The following LZTR1 variants were observed in gnomAD, a reference collection of about 807,000 sequenced individuals.
The protein encoded by LZTR1 is leucine-zipper-like transcriptional regulator 1.
Under a neutral mutation model 105.7 loss-of-function variants are expected in LZTR1, and 260 were observed. That is an observed-to-expected ratio of 2.46 (90% CI 2.22 to 2.72). LZTR1 has a LOEUF of 2.72. Ranked by LOEUF, LZTR1 falls within the 30% of genes most tolerant of loss-of-function variation. The pLI is 0.00. For missense variants in LZTR1, 1,214 were observed against 1,166.9 expected, an observed-to-expected ratio of 1.04 and a Z score of -0.59; for synonymous variants, 490 against 476.4, an observed-to-expected ratio of 1.03 and a Z score of -0.37.
At chr22:20,996,403 T>G in intron 18 of LZTR1, 1 of 592,140 alleles carries the variant, frequency 1.7e-6, no homozygotes, top group Non-Finnish European at 3.0e-6. Context: ...GACATGGAGG[T>G]ACTCCTTATG....
chr22:20,985,826 C>A lies in LZTR1; in HGVS notation c.264-15C>A. The A allele has an allele frequency of 6.2e-7, 1 of 1,613,970 alleles. No homozygotes were observed. The highest frequency in any genetic ancestry group is 8.5e-7 in the Non-Finnish European group (1 of 1,179,878). On this transcript the variant is annotated splice_polypyrimidine_tract_variant and intron_variant, in intron 2 of 20. Transcript: ENST00000646124. ...GACCTGGCTAATGCCACCCTCTCTT[C>A]CGGCTGCCTTTCAGGAAGACCATGC...
intron 16 of LZTR1, 146 bp downstream of exon 16, chr22:20,995,172 G>A: frequency 1.1e-6 from 1 of 888,078 alleles, no homozygotes; most frequent in Non-Finnish European, 1.7e-6. Context: ...CTGGGTACAG[G>A]GAGGAAACAG....
intron 18 of LZTR1, 169 bp downstream of exon 18, chr22:20,996,281 G>C: frequency 5.5e-6 from 4 of 723,816 alleles, no homozygotes; most frequent in South Asian, 1.9e-5. Flanking sequence ...CTCTGAAGCA[G>C]TTGGCAGCTG....
Position 20,994,213 on chromosome 22 carries a change from C to A in LZTR1, c.1559C>A (p.Pro520His). The A allele has an allele frequency of 6.2e-7, 1 of 1,601,818 alleles. No homozygotes were observed. Among genetic ancestry groups the A allele is most frequent in the Non-Finnish European group, 8.5e-7 (1 of 1,179,336 alleles). The change falls in exon 14 of 21, where the codon CCC becomes CAC. Residue 520 changes from proline (P) to histidine (H), a missense_variant. Transcript: ENST00000646124. ...HVAIREAEAR[P>H]FEVLMQFLYT... ...GCCATCCGGGAGGCCGAGGCCCGGC[C>A]CTTCGAGGTGCTCATGCAGTTCCTC...
Position 20,997,393 on chromosome 22 carries a change from T to TGCCC in LZTR1, c.*46_*49dup. The TGCCC allele has an allele frequency of 2.2e-6, 3 of 1,387,852 alleles. No individual in the cohort carries two copies. In the South Asian group the frequency reaches 3.5e-5, roughly 16 times the overall value. The allele number at this position is 1,387,852 out of a possible 1,614,324, so 86.0% of individuals were successfully genotyped here. On this transcript the variant is annotated 3_prime_UTR_variant, in exon 21 of 21. Transcript: ENST00000646124. ...ATTGTGAAGAATCGCCGTGCCTGCC[T>TGCCC]GCCCTGCCTACTGAGAAGACTACCG...
At chr22:20,993,595 C>A in intron 11 of LZTR1, 67 bp from the exon 12 acceptor site, 1 of 1,401,806 alleles carries the variant, frequency 7.1e-7, no homozygotes, top group Non-Finnish European at 1.0e-6. Context: ...TCAGGGTCGG[C>A]CTGCACAGCC....
intron 3 of LZTR1, chr22:20,986,123 G>A: frequency 1.7e-6 from 1 of 585,620 alleles, no homozygotes; most frequent in East Asian, 2.8e-5. Context: ...GGCACACAGG[G>A]CGGCACCCTT....
Position 20,992,274 on chromosome 22 carries a change from T to C in LZTR1, c.1054T>C (p.Tyr352His). 1.9e-6 allele frequency: 3 copies of C among 1,614,000 alleles called. No individual in the cohort carries two copies. The highest frequency in any genetic ancestry group is 2.5e-6 in the Non-Finnish European group (3 of 1,179,976). ...TTCCGAGGAGGTGCCCACCCTGACC[T>C]ATGAGGAGCGGGTTGGCTTCAAGAA... The part of the protein sequence containing the change: ...CASEEVPTLT[Y>H]EERVGFKKSR... Residue 352 changes from tyrosine (Y) to histidine (H), a missense_variant, in exon 10 of 21, where the codon TAT becomes CAT. Transcript: ENST00000646124.
Position 20,992,874 on chromosome 22 carries a change from C to T in LZTR1, c.1230C>T (p.Asn410=), listed in dbSNP as rs778212001. The change falls in exon 11 of 21, where the codon AAC becomes AAT. Residue 410 remains asparagine (N), a synonymous_variant. Coordinates refer to ENST00000646124, the MANE Select transcript of LZTR1 (RefSeq NM_006767.4). ...TCTTCGGGGGCACGGTGGACAACAA[C>T]ATCCGCAGCGGGGAGATGTACAGGT... ...MYIFGGTVDN[N]IRSGEMYRFQ... The T allele has an allele frequency of 5.6e-6, 9 of 1,608,768 alleles. No homozygotes were observed. The highest frequency in any genetic ancestry group is 5.3e-5 in the African/African-American group (4 of 74,874).
chr22:20,991,286 T>A (rs547802219), intron 8 of LZTR1: 1 of 280,354 alleles, frequency 3.6e-6, no homozygotes, highest in Admixed American at 4.8e-5. Flanking sequence ...GTGAACACAG[T>A]GACCTGCAAT....
chr22:20,994,334 G>A (rs1275681255), intron 14 of LZTR1, 65 bp downstream of exon 14: 33 of 1,541,256 alleles, frequency 2.1e-5, no homozygotes, highest in Non-Finnish European at 2.7e-5. Flanking sequence ...GAGCCAAAAG[G>A]TGGGTGCTGC....
rs572279677 is a variant in LZTR1, at chr22:20,986,295, A to G, written c.320+398A>G. 23 of 166,704 alleles carry G rather than the reference A, an allele frequency of 1.4e-4. No homozygotes were observed. In the Middle Eastern group the frequency reaches 0.011, roughly 83 times the overall value. 10.3% of individuals were successfully genotyped at this position (166,704 alleles called of 1,614,324 possible). ...ATTATTTGTCAAAAATTGCTTAAGT[A>G]TAAAACTCAGAAAAAAGCTAGGAGT... On this transcript the variant is annotated intron_variant, in intron 3 of 20. Coordinates refer to ENST00000646124, the MANE Select transcript of LZTR1 (RefSeq NM_006767.4).
chr22:20,982,654 G>A (rs567884892), intron 1 of LZTR1, 83 bp downstream of exon 1: 34 of 1,381,992 alleles, frequency 2.5e-5, no homozygotes, highest in Non-Finnish European at 3.2e-5. Flanking sequence ...GAAGCCGGGG[G>A]GTGGTGTCCT....
rs1307964821 is a variant in LZTR1, at chr22:20,992,891, T to G, written c.1247T>G (p.Met416Arg). The G allele has an allele frequency of 1.2e-6, 2 of 1,602,496 alleles. No individual in the cohort carries two copies. Among genetic ancestry groups the G allele is most frequent in the African/African-American group, 1.3e-5 (1 of 74,694 alleles). ...GACAACAACATCCGCAGCGGGGAGA[T>G]GTACAGGTTCCAGGTGTGGGGCCTG... ...TVDNNIRSGEMYRFQFSCYPK... is the reference protein window; with the variant it reads ...TVDNNIRSGERYRFQFSCYPK... Residue 416 changes from methionine to arginine, a missense_variant, in exon 11 of 21, where the codon ATG becomes AGG. Met to Arg is a moderately conservative substitution (Grantham distance 91, BLOSUM62 -1). Coordinates refer to ENST00000646124, the MANE Select transcript of LZTR1 (RefSeq NM_006767.4).
rs1447482669 is a variant in LZTR1, at chr22:20,982,304, C to A, written c.-68C>A. The stretch of plus-strand genomic sequence containing the variant: ...CAGGGCTCGCCGGGAAATGTGGTTT[C>A]TCCAGCCGGCCCGGGGCGGTGGCCG... On this transcript the variant is annotated 5_prime_UTR_variant, in exon 1 of 21. Coordinates refer to ENST00000646124, the MANE Select transcript of LZTR1 (RefSeq NM_006767.4). 7.7e-7 allele frequency: 1 copy of A among 1,290,410 alleles called. No individual in the cohort carries two copies. Among genetic ancestry groups the A allele is most frequent in the Non-Finnish European group, 1.1e-6 (1 of 948,362 alleles). 79.9% of individuals were successfully genotyped at this position (1,290,410 alleles called of 1,614,324 possible). A position where few individuals can be genotyped will look rare whatever the true frequency, so the allele number is the denominator to read the frequency against.
Position 20,994,241 on chromosome 22 carries a change from C to T in LZTR1, c.1587C>T (p.Tyr529=), listed in dbSNP as rs371015800. 1 of 1,599,494 alleles carries T rather than the reference C, an allele frequency of 6.3e-7. No homozygotes were observed. The highest frequency in any genetic ancestry group is 2.2e-5 in the East Asian group (1 of 44,850). ...TCGAGGTGCTCATGCAGTTCCTCTA[C>T]ACCGACAAGATCAAATACCCACGGA... ...RPFEVLMQFL[Y]TDKIKYPRKG... The change falls in exon 14 of 21, where the codon TAC becomes TAT. Residue 529 remains tyrosine (Y), a synonymous_variant. Transcript: ENST00000646124.
At chr22:20,993,429 A>G (rs1601720595) in intron 11 of LZTR1, 1 of 582,340 alleles carries the variant, frequency 1.7e-6, no homozygotes, top group Non-Finnish European at 3.1e-6. Flanking sequence ...GAGGCAGGGG[A>G]GCCCTTTCCT....
Position 20,993,982 on chromosome 22 carries a change from G to A in LZTR1, c.1412G>A (p.Arg471His), listed in dbSNP as rs139031749. Residue 471 changes from arginine (R) to histidine (H), a missense_variant, in exon 13 of 21, where the codon CGC (arginine) becomes CAC (histidine). Arg to His is a conservative substitution (Grantham distance 29, BLOSUM62 0). Coordinates refer to ENST00000646124, the MANE Select transcript of LZTR1 (RefSeq NM_006767.4). ...AIVTARSRWL[R>H]RKITQARERL... Reference sequence around the variant, plus strand: ...GTCACAGCGCGGAGCCGCTGGCTTCGCAGGAAGATCACGCAGGCGCGGGAG... The same window carrying A: ...GTCACAGCGCGGAGCCGCTGGCTTCACAGGAAGATCACGCAGGCGCGGGAG... 3.3e-5 allele frequency: 54 copies of A among 1,612,196 alleles called. No individual in the cohort carries two copies. In the African/African-American group the frequency reaches 5.6e-4, roughly 17 times the overall value.
Position 20,994,609 on chromosome 22 carries a change from G to T in LZTR1, c.1667G>T (p.Ser556Ile). ...ATGGATGTGTACAAACTGGCACTGA[G>T]CTTCCAGTTGTGCCGCCTGGAGCAG... Reference protein sequence around the residue: ...LIMDVYKLALSFQLCRLEQLC... With the variant: ...LIMDVYKLALIFQLCRLEQLC... Residue 556 changes from serine to isoleucine, a missense_variant, in exon 15 of 21, where the codon AGC becomes ATC. Transcript: ENST00000646124. 6.2e-7 allele frequency: 1 copy of T among 1,612,638 alleles called. No homozygotes were observed. The highest frequency in any genetic ancestry group is 2.2e-5 in the East Asian group (1 of 44,886).
Sources: gnomAD v4.1 joint callset for allele counts on GRCh38, gnomAD v4.1.1 for gene constraint, MANE v1.5 for transcripts, NCBI Gene and HGNC (gene_info 2026-07-23, HGNC 2026-07-21) for gene names.